The following DNAH14 variants were observed in gnomAD, a reference collection of about 807,000 sequenced individuals.
DNAH14 encodes the protein axonemal beta dynein heavy chain 14.
Under a neutral mutation model 520.9 loss-of-function variants are expected in DNAH14, and 478 were observed. The observed-to-expected ratio is 0.92, with a 90% CI of 0.85 to 0.99. The LOEUF (loss-of-function observed/expected upper bound fraction) is 0.99. Ranked by LOEUF, DNAH14 falls within the 50% of genes least tolerant of loss-of-function variation. The pLI is 0.00. For synonymous variants in DNAH14, 1,581 were observed against 1,757.2 expected (o/e 0.90, Z 2.51); for missense variants, 4,831 against 5,234.5 (o/e 0.92, Z 2.38).
At chr1:224,982,877 G>A (rs878872874) in intron 8 of DNAH14, among the ~76,000 whole-genome samples, 2 of 152,130 alleles carry the variant, frequency 1.3e-5, no homozygotes, top group Non-Finnish European at 2.9e-5. Flanking sequence ...CTATCATATG[G>A]TCTATCTTGG....
intron 17 of DNAH14, among the ~76,000 whole-genome samples, chr1:225,061,454 G>T (rs1043020336): frequency 6.6e-6 from 1 of 152,182 alleles, no homozygotes; most frequent in Non-Finnish European, 1.5e-5. Flanking sequence ...CTGACCCCTT[G>T]CGCTTCCTGG....
chr1:225,051,381 TAGCATGCCAA>T (rs1433447114), intron 16 of DNAH14, 60 bp from the exon 17 acceptor site: 1 of 1,124,374 alleles, frequency 8.9e-7, no homozygotes, highest in African/African-American at 1.6e-5. Context: ...CAGAAACTAT[TAGCATGCCAA>T]ACCATTTTTC....
At chr1:225,305,373 C>T (rs1388338166) in intron 58 of DNAH14, among the ~76,000 whole-genome samples, 3 of 152,102 alleles carry the variant, frequency 2.0e-5, no homozygotes, top group African/African-American at 7.2e-5. Flanking sequence ...GCAAGAGTAA[C>T]GAAGAGTGCC....
At chr1:225,187,851 C>G (rs2084938202) in intron 37 of DNAH14, among the ~76,000 whole-genome samples, 1 of 151,824 alleles carries the variant, frequency 6.6e-6, no homozygotes, top group Non-Finnish European at 1.5e-5. Flanking sequence ...AAACTCTCAT[C>G]AGATTGTGAT....
chr1:225,273,168 T>TA (rs2093359028), intron 52 of DNAH14, 43 bp downstream of exon 52: 1 of 1,513,744 alleles, frequency 6.6e-7, no homozygotes, highest in Non-Finnish European at 8.8e-7. Context: ...TGTGGTGGCT[T>TA]ACGCCTGTAA....
chr1:225,016,636 T>A (rs1383030304), intron 10 of DNAH14, among the ~76,000 whole-genome samples: 1 of 152,184 alleles, frequency 6.6e-6, no homozygotes, highest in Non-Finnish European at 1.5e-5. Context: ...AACATATTTT[T>A]CTTGTTTTTC....
chr1:225,118,211 A>G, intron 25 of DNAH14: 1 of 588,738 alleles, frequency 1.7e-6, no homozygotes, highest in South Asian at 2.1e-5. Flanking sequence ...GCAGTCTTCA[A>G]ACTCCTGGGT....
At chr1:224,954,754 T>C (rs1659104787) in intron 2 of DNAH14, among the ~76,000 whole-genome samples, 1 of 152,190 alleles carries the variant, frequency 6.6e-6, no homozygotes, top group Admixed American at 6.5e-5. Context: ...TATCAAAAAT[T>C]ACTTGAGTGA....
intron 8 of DNAH14, among the ~76,000 whole-genome samples, chr1:225,001,135 C>G (rs1346215848): frequency 6.6e-6 from 1 of 150,750 alleles, no homozygotes; most frequent in African/African-American, 2.4e-5. Flanking sequence ...TACCCATTGG[C>G]GTTTCTAGGT....
intron 27 of DNAH14, among the ~76,000 whole-genome samples, chr1:225,128,493 G>T (rs538422221): frequency 8.5e-5 from 13 of 152,052 alleles, no homozygotes; most frequent in Non-Finnish European, 1.8e-4. Context: ...TCATGCCTGG[G>T]ATGCAAGGCT....
intron 57 of DNAH14, among the ~76,000 whole-genome samples, chr1:225,304,199 T>C (rs1422667441): frequency 1.3e-5 from 2 of 152,200 alleles, no homozygotes; most frequent in African/African-American, 4.8e-5. Flanking sequence ...TTTGTAGCTT[T>C]ATTTTACTCA....
chr1:224,956,582 A>G (rs912684030), intron 3 of DNAH14, among the ~76,000 whole-genome samples: 2 of 152,134 alleles, frequency 1.3e-5, no homozygotes, highest in Non-Finnish European at 2.9e-5. Flanking sequence ...TGTTTGTGTG[A>G]CAGAATTGCC....
chr1:225,144,379 T>G lies in DNAH14; in HGVS notation c.4509-18T>G, dbSNP rs2079732323. ...TAATTTAACCAAATAATATGAACAT[T>G]TAAAATTTGGCTTTCAGACATTTGC... On this transcript the variant is annotated intron_variant, in intron 28 of 85. Transcript: ENST00000682510. 1.3e-6 allele frequency: 2 copies of G among 1,513,516 alleles called. No homozygotes were observed. Among genetic ancestry groups the G allele is most frequent in the African/African-American group, 2.8e-5 (2 of 72,430 alleles). The allele number at this position is 1,513,516 out of a possible 1,614,324, so 93.8% of individuals were successfully genotyped here. A position where few individuals can be genotyped will look rare whatever the true frequency, so the allele number is the denominator to read the frequency against.
chr1:224,930,479 T>C (rs776435105), intron 1 of DNAH14, among the ~76,000 whole-genome samples: 1 of 152,234 alleles, frequency 6.6e-6, no homozygotes, highest in Non-Finnish European at 1.5e-5. Flanking sequence ...ATTATGTGTT[T>C]GTGGTGATGC....
At chr1:225,104,575 T>C (rs2075841209) in intron 23 of DNAH14, among the ~76,000 whole-genome samples, 1 of 152,162 alleles carries the variant, frequency 6.6e-6, no homozygotes, top group South Asian at 2.1e-4. Context: ...CTGTTATTGG[T>C]CTATTCAGAG....
intron 45 of DNAH14, 104 bp from the exon 46 acceptor site, chr1:225,259,017 T>C: frequency 8.1e-7 from 1 of 1,237,370 alleles, no homozygotes; most frequent in East Asian, 3.1e-5. Context: ...AAACACTTTT[T>C]ATGCAATTTT....
chr1:225,044,586 T>C (rs190864159), intron 15 of DNAH14, among the ~76,000 whole-genome samples: 2 of 152,284 alleles, frequency 1.3e-5, no homozygotes, highest in African/African-American at 4.8e-5. Flanking sequence ...TTCAGTCTTT[T>C]TCACTATGCT....
At chr1:225,174,291 A>G (rs574866759) in intron 36 of DNAH14, among the ~76,000 whole-genome samples, 32 of 152,294 alleles carry the variant, frequency 2.1e-4, no homozygotes, top group African/African-American at 6.3e-4. Flanking sequence ...AAGAAAAACA[A>G]TATGAATTCT....
intron 21 of DNAH14, among the ~76,000 whole-genome samples, chr1:225,090,210 C>G (rs2074259438): frequency 6.6e-6 from 1 of 151,900 alleles, no homozygotes; most frequent in Admixed American, 6.6e-5. Context: ...ATAAGATCTG[C>G]ACACAAAAAA....
Sources: allele counts gnomAD v4.1 joint callset (sites outside exome capture counted in the v4.1 genomes callset), GRCh38; gene constraint gnomAD v4.1.1; transcripts MANE v1.5; gene names NCBI Gene and HGNC (gene_info 2026-07-23, HGNC 2026-07-21).